Variants in CYRIA observed in about 807,000 individuals in gnomAD.
The protein encoded by CYRIA is CYFIP-related Rac1 interactor A.
In CYRIA, 15 loss-of-function variants were observed where a neutral mutation model predicts 43.9. The observed-to-expected ratio is 0.34, with a 90% CI of 0.23 to 0.53. The LOEUF is 0.53. Ranked by LOEUF, CYRIA falls within the 20% of genes least tolerant of loss-of-function variation. The probability of loss-of-function intolerance (pLI) is 0.94; values close to 1 mark genes in which losing one functional copy is unlikely to be tolerated. For synonymous variants in CYRIA, 117 were observed against 136.0 expected (o/e 0.86, Z 0.97); for missense variants, 236 against 394.2 (o/e 0.60, Z 3.40).
chr2:16,562,413 TTTCTGACACTGTTAGAAAACCACAGATA>T (rs1270341012), intron 5 of CYRIA, among the ~76,000 whole-genome samples: 1 of 152,162 alleles, frequency 6.6e-6, no homozygotes, highest in Admixed American at 6.5e-5. Flanking sequence ...GTAATCTCAA[TTTCTGACACTGTTAGAAAACCACAGATA>T]TGTGTTTTTG....
chr2:16,627,683 C>A (rs938280037), intron 1 of CYRIA, among the ~76,000 whole-genome samples: 1 of 152,208 alleles, frequency 6.6e-6, no homozygotes, highest in Non-Finnish European at 1.5e-5. Context: ...AAAGCAAATA[C>A]ACTAGGAACA....
At chr2:16,649,343 T>C (rs1669904192) in intron 1 of CYRIA, among the ~76,000 whole-genome samples, 1 of 151,980 alleles carries the variant, frequency 6.6e-6, no homozygotes, top group African/African-American at 2.4e-5. Flanking sequence ...GCACAGGGGA[T>C]GGTTGCACAG....
intron 2 of CYRIA, among the ~76,000 whole-genome samples, chr2:16,615,936 C>T (rs879726427): frequency 2.0e-5 from 3 of 152,196 alleles, no homozygotes; most frequent in Admixed American, 1.3e-4. Context: ...GTTGGCATGG[C>T]GACGCCTGGG....
chr2:16,601,997 C>T (rs981130599), intron 2 of CYRIA, among the ~76,000 whole-genome samples: 2 of 152,178 alleles, frequency 1.3e-5, no homozygotes, highest in African/African-American at 4.8e-5. Flanking sequence ...AATGCTCAAC[C>T]TTCATGAGTA....
intron 2 of CYRIA, among the ~76,000 whole-genome samples, chr2:16,601,583 G>C (rs2103477802): frequency 6.6e-6 from 1 of 152,042 alleles, no homozygotes; most frequent in East Asian, 1.9e-4. Context: ...ATGTACTCAT[G>C]GTATTTTCTA....
intron 2 of CYRIA, among the ~76,000 whole-genome samples, chr2:16,613,630 C>T (rs1451059679): frequency 6.6e-6 from 1 of 151,164 alleles, no homozygotes; most frequent in Non-Finnish European, 1.5e-5. Flanking sequence ...CAGTTAAGTA[C>T]CTTATCCACT....
In CYRIA at chr2:16,573,239, C is replaced by G. The variant is rs557930504; in HGVS notation, c.71-7472G>C. On this transcript the variant is annotated intron_variant, in intron 3 of 11. Transcript: ENST00000381323. ...AGCATAAGATGCCATCTAAATTCTC[C>G]CTTCAGGGATGTGTACAACAATGAG... Among the ~76,000 whole-genome samples the G allele has an allele frequency of 1.3e-4, 20 of 152,238 alleles. No individual in the cohort carries two copies. The South Asian group carries it at 3.5e-3, about 27-fold the overall frequency.
At chr2:16,567,857 A>G (rs1007265346) in intron 3 of CYRIA, among the ~76,000 whole-genome samples, 6 of 152,306 alleles carry the variant, frequency 3.9e-5, no homozygotes, top group African/African-American at 1.4e-4. Flanking sequence ...GTGGTCTGGA[A>G]AGAGTGGAAA....
At chr2:16,642,604 G>A (rs1393137221) in intron 1 of CYRIA, among the ~76,000 whole-genome samples, 7 of 151,740 alleles carry the variant, frequency 4.6e-5, no homozygotes, top group African/African-American at 1.5e-4. Context: ...GCTAGAACAC[G>A]CTCTCCAGCA....
rs539953494 is a variant in CYRIA, at chr2:16,592,479, C to T, written c.-10-4350G>A. 1.4e-3 allele frequency among the ~76,000 whole-genome samples: 208 copies of T among 152,194 alleles called. 9 individuals are homozygous for T. The South Asian group carries it at 0.033, about 24-fold the overall frequency. Reference sequence around the variant, plus strand: ...CTGGGAGGCCTTTTACTCTTAGAGGCGCAAGTCTTCCCTGCCTAGATTTTC... The same window carrying T: ...CTGGGAGGCCTTTTACTCTTAGAGGTGCAAGTCTTCCCTGCCTAGATTTTC... On this transcript the variant is annotated intron_variant, in intron 2 of 11. Transcript: ENST00000381323.
intron 1 of CYRIA, among the ~76,000 whole-genome samples, chr2:16,630,264 C>T (rs1020449485): frequency 7.2e-5 from 11 of 152,204 alleles, no homozygotes; most frequent in African/African-American, 2.6e-4. Context: ...TAACGAAGTG[C>T]GCATTTGGAC....
chr2:16,657,477 G>T (rs980172643), intron 1 of CYRIA, among the ~76,000 whole-genome samples: 5 of 130,420 alleles, frequency 3.8e-5, no homozygotes, highest in East Asian at 2.1e-4. Flanking sequence ...GATGTTTTTT[G>T]TTGTTTTTTT....
chr2:16,558,811 AG>A (rs1285141103), intron 10 of CYRIA, among the ~76,000 whole-genome samples: 1 of 151,258 alleles, frequency 6.6e-6, no homozygotes, highest in Non-Finnish European at 1.5e-5. Flanking sequence ...ATTGTCTGTG[AG>A]GGAGTCAGAA....
chr2:16,556,129 G>C (rs1222603879), intron 10 of CYRIA, among the ~76,000 whole-genome samples: 1 of 152,096 alleles, frequency 6.6e-6, no homozygotes, highest in East Asian at 1.9e-4. Flanking sequence ...GGCCCCTTTT[G>C]TAACAGCCCT....
At position 16,574,142 on chromosome 2, in the gene CYRIA, T is replaced by C. The variant is rs545012528; in HGVS notation, c.71-8375A>G. On this transcript the variant is annotated intron_variant, in intron 3 of 11. Coordinates refer to ENST00000381323, the MANE Select transcript of CYRIA (RefSeq NM_030797.4). ...TGGAGATGAAAAACTTGTTGGGAAC[T>C]GGAGGAAAGGTGACTCTTGTTATGT... Among the ~76,000 whole-genome samples the C allele has an allele frequency of 2.6e-5, 4 of 152,230 alleles. No homozygotes were observed. The East Asian group carries it at 7.7e-4, about 29-fold the overall frequency.
At chr2:16,660,976 CT>C (rs1453630599) in intron 1 of CYRIA, among the ~76,000 whole-genome samples, 2 of 152,186 alleles carry the variant, frequency 1.3e-5, no homozygotes, top group Admixed American at 1.3e-4. Flanking sequence ...AATTCTGTAA[CT>C]GCTTTTCAAT....
chr2:16,584,465 A>C (rs1281785246), intron 3 of CYRIA, among the ~76,000 whole-genome samples: 2 of 152,102 alleles, frequency 1.3e-5, no homozygotes. Flanking sequence ...TCTCTCATGG[A>C]TCCTTGGACT....
Position 16,588,125 on chromosome 2 carries a change from C to G in CYRIA, c.-6G>C. The G allele has an allele frequency of 6.2e-7, 1 of 1,601,336 alleles. No homozygotes were observed. Among genetic ancestry groups the G allele is most frequent in the Non-Finnish European group, 8.5e-7 (1 of 1,173,422 alleles). ...ACTTTGAGCAGGTTTCCCATCCCAG[C>G]AAACCTAGGAAAGGCAACACAAAAC... On this transcript the variant is annotated 5_prime_UTR_variant, in exon 3 of 12. Coordinates refer to ENST00000381323, the MANE Select transcript of CYRIA (RefSeq NM_030797.4).
intron 11 of CYRIA, among the ~76,000 whole-genome samples, chr2:16,554,794 C>T (rs1666446496): frequency 6.6e-6 from 1 of 152,196 alleles, no homozygotes; most frequent in African/African-American, 2.4e-5. Context: ...AGGTCCATGA[C>T]CCGTGGGGTC....
Sources: gnomAD v4.1 joint callset for allele counts (sites outside exome capture counted in the v4.1 genomes callset) on GRCh38, gnomAD v4.1.1 for gene constraint, MANE v1.5 for transcripts, NCBI Gene and HGNC (gene_info 2026-07-23, HGNC 2026-07-21) for gene names.